The following TENM2 variants were observed in gnomAD, a reference collection of about 807,000 sequenced individuals.
The protein encoded by TENM2 is teneurin-2.
A neutral mutation model predicts 245.2 loss-of-function variants in TENM2; 52 were observed. The observed-to-expected ratio is 0.21, with a 90% confidence interval of 0.17 to 0.27. The LOEUF is 0.27. Ranked by LOEUF, TENM2 falls within the 10% of genes least tolerant of loss-of-function variation. The pLI is 1.00. For missense variants in TENM2, 3,046 were observed against 3,666.8 expected, an observed-to-expected ratio of 0.83 and a Z score of 4.37; for synonymous variants, 1,363 against 1,438.9, an observed-to-expected ratio of 0.95 and a Z score of 1.19.
At chr5:167,337,680 T>C (rs1319948521) in intron 1 of TENM2, among the ~76,000 whole-genome samples, 1 of 152,098 alleles carries the variant, frequency 6.6e-6, no homozygotes, top group African/African-American at 2.4e-5. Flanking sequence ...ATGAAACCCA[T>C]TGTGTGAAAG....
chr5:167,600,598 A>G (rs1776568290), intron 2 of TENM2, among the ~76,000 whole-genome samples: 1 of 152,176 alleles, frequency 6.6e-6, no homozygotes, highest in Non-Finnish European at 1.5e-5. Flanking sequence ...AGGACTGATG[A>G]GTTGGTTATA....
At chr5:167,482,159 CTTAATTT>C (rs1373093587) in intron 2 of TENM2, among the ~76,000 whole-genome samples, 2 of 152,118 alleles carry the variant, frequency 1.3e-5, no homozygotes, top group African/African-American at 4.8e-5. Flanking sequence ...GGAAACTCTC[CTTAATTT>C]TTATCACCTG....
the TENM2 span, among the ~76,000 whole-genome samples, chr5:167,082,419 G>C: frequency 1.3e-5 from 2 of 152,056 alleles, no homozygotes; most frequent in African/African-American, 4.8e-5. Flanking sequence ...AAGTAGCTGG[G>C]CATACAGGCG....
At chr5:167,111,023 A>C in the TENM2 span, among the ~76,000 whole-genome samples, 2 of 152,214 alleles carry the variant, frequency 1.3e-5, no homozygotes, top group South Asian at 4.1e-4. Flanking sequence ...ATCTCCTTGA[A>C]TGATCTTCTT....
intron 25 of TENM2, among the ~76,000 whole-genome samples, chr5:168,238,208 AGG>A (rs1562320712): frequency 1.1e-5 from 1 of 94,840 alleles, no homozygotes; most frequent in Non-Finnish European, 2.2e-5. Flanking sequence ...GGAGGGAGGG[AGG>A]GAGGGAGAGA....
chr5:167,780,172 C>G (rs1764095553), intron 2 of TENM2, among the ~76,000 whole-genome samples: 3 of 152,192 alleles, frequency 2.0e-5, no homozygotes, highest in Admixed American at 6.5e-5. Context: ...CTTACTTTGT[C>G]AAGGAGAAAG....
At chr5:167,094,619 G>C in the TENM2 span, among the ~76,000 whole-genome samples, 1 of 152,112 alleles carries the variant, frequency 6.6e-6, no homozygotes, top group Non-Finnish European at 1.5e-5. Context: ...AAACACAAAA[G>C]TCCTCTAAAT....
At chr5:167,933,761 G>A (rs1326613874) in intron 3 of TENM2, among the ~76,000 whole-genome samples, 1 of 152,096 alleles carries the variant, frequency 6.6e-6, no homozygotes, top group African/African-American at 2.4e-5. Flanking sequence ...CCTACCTGAG[G>A]CAAGGTACTT....
chr5:167,245,554 A>G, the TENM2 span, among the ~76,000 whole-genome samples: 2 of 151,790 alleles, frequency 1.3e-5, no homozygotes, highest in Non-Finnish European at 2.9e-5. Flanking sequence ...TGAACAGAAC[A>G]GTATACAAAG....
chr5:168,070,823 A>AG (rs1562121046), intron 7 of TENM2, among the ~76,000 whole-genome samples: 29 of 141,710 alleles, frequency 2.0e-4, no homozygotes, highest in African/African-American at 6.6e-4. Flanking sequence ...GAGAGAGAAA[A>AG]AAAGAAAGAA....
intron 12 of TENM2, among the ~76,000 whole-genome samples, chr5:168,136,561 C>T (rs1001359559): frequency 6.6e-6 from 1 of 152,202 alleles, no homozygotes; most frequent in African/African-American, 2.4e-5. Context: ...GAGAACACCA[C>T]ACTCCCCAGC....
intron 2 of TENM2, among the ~76,000 whole-genome samples, chr5:167,504,322 T>C (rs78887390): frequency 0.018 from 2,777 of 152,294 alleles, 91 homozygotes; most frequent in African/African-American, 0.063. Context: ...TTATTTAAAT[T>C]GCTCCTACTA....
rs745444935 is a variant in TENM2 at position 168,248,042 on chromosome 5, C to G, written c.7103C>G (p.Ala2368Gly). ...AGCAGTGGGGAGGAGTACTATGTTGCCTCTGATAACACAGGGACTCCTCTG... is the reference window on the plus strand; with the variant it reads ...AGCAGTGGGGAGGAGTACTATGTTGGCTCTGATAACACAGGGACTCCTCTG... Residue 2368 changes from alanine (A) to glycine (G), a missense_variant, in exon 27 of 29, where the codon GCC (alanine) becomes GGC (glycine). Ala to Gly is a moderately conservative substitution (Grantham distance 60, BLOSUM62 0). Transcript: ENST00000518659. The G allele has an allele frequency of 8.7e-6, 14 of 1,613,856 alleles. No individual in the cohort carries two copies. In the South Asian group the frequency reaches 1.5e-4, roughly 18 times the overall value.
intron 2 of TENM2, among the ~76,000 whole-genome samples, chr5:167,659,830 T>C (rs753330117): frequency 1.3e-5 from 2 of 152,178 alleles, no homozygotes; most frequent in African/African-American, 2.4e-5. Flanking sequence ...CCTCCCCATA[T>C]GATGTGTTTG....
At chr5:167,156,848 C>A in the TENM2 span, among the ~76,000 whole-genome samples, 1 of 152,144 alleles carries the variant, frequency 6.6e-6, no homozygotes, top group Non-Finnish European at 1.5e-5. Flanking sequence ...GTCTTGGCAC[C>A]GCTTGTTTCT....
chr5:167,901,245 T>C (rs2151516949), intron 3 of TENM2, among the ~76,000 whole-genome samples: 1 of 152,280 alleles, frequency 6.6e-6, no homozygotes, highest in South Asian at 2.1e-4. Context: ...GACTGAATTG[T>C]TAGCACCTAC....
In TENM2 at chr5:168,077,731, T is replaced by C. The variant is rs190995917; in HGVS notation, c.1516-12843T>C. Among the ~76,000 whole-genome samples the C allele has an allele frequency of 2.6e-3, 402 of 152,290 alleles. 1 individual carries two copies. Among genetic ancestry groups the C allele is most frequent in the African/African-American group, 9.1e-3 (380 of 41,552 alleles). On this transcript the variant is annotated intron_variant, in intron 7 of 28. Coordinates refer to ENST00000518659, the Ensembl canonical transcript of TENM2. ...CTCAGAATGATGGTTTCCAGCTTCA[T>C]CCATGTCCCTACAAAGGACATGAAC...
intron 14 of TENM2, among the ~76,000 whole-genome samples, chr5:168,193,569 C>T (rs1761134911): frequency 6.6e-6 from 1 of 152,186 alleles, no homozygotes; most frequent in African/African-American, 2.4e-5. Context: ...ATAGAAATCA[C>T]AGGCAGCACT....
intron 12 of TENM2, among the ~76,000 whole-genome samples, chr5:168,134,134 G>A (rs368031945): frequency 3.3e-5 from 5 of 151,816 alleles, no homozygotes; most frequent in South Asian, 2.1e-4. Context: ...TAGCCTAGGC[G>A]ACAGAGTGAG....
Sources: gnomAD v4.1 joint callset for allele counts (sites outside exome capture counted in the v4.1 genomes callset) on GRCh38, gnomAD v4.1.1 for gene constraint, MANE v1.5 for transcripts, NCBI Gene and HGNC (gene_info 2026-07-23, HGNC 2026-07-21) for gene names.